ZSWIM6: variants seen among roughly 807,000 people sequenced by gnomAD.
The protein encoded by ZSWIM6 is zinc finger SWIM domain-containing protein 6.
A neutral mutation model predicts 113.2 loss-of-function variants in ZSWIM6; 9 were observed. The observed-to-expected ratio is 0.08, with a 90% CI of 0.05 to 0.14. The LOEUF (loss-of-function observed/expected upper bound fraction) is 0.14, where lower values mean the gene tolerates loss of function less well. Ranked by LOEUF, ZSWIM6 falls within the 10% of genes least tolerant of loss-of-function variation. The pLI, the probability that ZSWIM6 is intolerant of heterozygous loss-of-function variation, is 1.00. For synonymous variants in ZSWIM6, 611 were observed against 606.5 expected (o/e 1.01, Z -0.11); for missense variants, 1,162 against 1,552.2 (o/e 0.75, Z 4.22).
intron 1 of ZSWIM6, among the ~76,000 whole-genome samples, chr5:61,419,530 C>G (rs1746315190): frequency 6.6e-6 from 1 of 152,172 alleles, no homozygotes; most frequent in Non-Finnish European, 1.5e-5. Flanking sequence ...CCACATGTGG[C>G]TATTTAGATT....
chr5:61,490,224 C>T (rs1748142351), intron 2 of ZSWIM6, among the ~76,000 whole-genome samples: 2 of 151,996 alleles, frequency 1.3e-5, no homozygotes, highest in African/African-American at 4.8e-5. Context: ...CAAGGTGATA[C>T]TACAACCTGG....
intron 1 of ZSWIM6, among the ~76,000 whole-genome samples, chr5:61,429,205 AG>A (rs1561233724): frequency 1.3e-5 from 2 of 152,196 alleles, no homozygotes; most frequent in Non-Finnish European, 2.9e-5. Context: ...TCTCCCCTAC[AG>A]GGGGTAGGGT....
intron 2 of ZSWIM6, among the ~76,000 whole-genome samples, chr5:61,484,218 A>G (rs906323291): frequency 6.6e-6 from 1 of 152,230 alleles, no homozygotes; most frequent in Non-Finnish European, 1.5e-5. Context: ...GCCTTCAGTC[A>G]TGCCACAGCA....
chr5:61,468,871 C>T (rs1006188897), intron 1 of ZSWIM6, among the ~76,000 whole-genome samples: 1 of 152,156 alleles, frequency 6.6e-6, no homozygotes, highest in Non-Finnish European at 1.5e-5. Flanking sequence ...TGCATATTGA[C>T]TGAGTCAATG....
At chr5:61,421,683 A>G (rs368768340) in intron 1 of ZSWIM6, among the ~76,000 whole-genome samples, 23 of 152,140 alleles carry the variant, frequency 1.5e-4, no homozygotes, top group South Asian at 4.1e-4. Flanking sequence ...CTTTGTGTCC[A>G]TGAGTTCTCA....
intron 1 of ZSWIM6, among the ~76,000 whole-genome samples, chr5:61,361,969 GTT>G (rs1014656916): frequency 2.6e-5 from 4 of 152,240 alleles, no homozygotes; most frequent in African/African-American, 9.6e-5. Context: ...TCTCCCACAT[GTT>G]TTCACATATG....
At position 61,365,929 on chromosome 5, in the gene ZSWIM6, T is replaced by A. The variant is rs144519776; in HGVS notation, c.676+32981T>A. Among the ~76,000 whole-genome samples the A allele has an allele frequency of 5.5e-3, 831 of 152,326 alleles. 7 individuals are homozygous for A. Among genetic ancestry groups the A allele is most frequent in the Non-Finnish European group, 9.2e-3 (629 of 68,032 alleles). On this transcript the variant is annotated intron_variant, in intron 1 of 13. Transcript: ENST00000252744. The stretch of plus-strand genomic sequence containing the variant: ...AATGTATCGTCTATCAGGTGTCTTT[T>A]TTTTTAAGATGGTCTCATTCTGTCA...
intron 1 of ZSWIM6, among the ~76,000 whole-genome samples, chr5:61,458,307 A>G (rs1747252430): frequency 6.6e-6 from 1 of 152,220 alleles, no homozygotes; most frequent in Admixed American, 6.5e-5. Flanking sequence ...GACTATGAGT[A>G]TATATATTTT....
At chr5:61,443,081 A>G (rs754923527) in intron 1 of ZSWIM6, among the ~76,000 whole-genome samples, 1 of 152,170 alleles carries the variant, frequency 6.6e-6, no homozygotes, top group Non-Finnish European at 1.5e-5. Flanking sequence ...CTCTAGTCCA[A>G]TGGCACACTC....
At chr5:61,416,479 G>C (rs1392854648) in intron 1 of ZSWIM6, among the ~76,000 whole-genome samples, 1 of 152,194 alleles carries the variant, frequency 6.6e-6, no homozygotes, top group Non-Finnish European at 1.5e-5. Context: ...ATACACCTCT[G>C]ATCTCCTCCT....
rs1747514580 is a variant in ZSWIM6, at chr5:61,469,438, T to C, written c.677-3243T>C. On this transcript the variant is annotated intron_variant, in intron 1 of 13. Transcript: ENST00000252744. ...TTATGCTGTAAGACATGTATATGTTTATTTGTGCCTTCACATTTCTCTTGG... is the reference window on the plus strand; with the variant it reads ...TTATGCTGTAAGACATGTATATGTTCATTTGTGCCTTCACATTTCTCTTGG... Among the ~76,000 whole-genome samples the C allele has an allele frequency of 2.0e-5, 3 of 152,236 alleles. No individual in the cohort carries two copies. The East Asian group carries it at 5.8e-4, about 29-fold the overall frequency.
chr5:61,374,041 T>C (rs1745319559), intron 1 of ZSWIM6, among the ~76,000 whole-genome samples: 1 of 152,232 alleles, frequency 6.6e-6, no homozygotes, highest in African/African-American at 2.4e-5. Flanking sequence ...GCCTTTTGCT[T>C]TCATCTACTT....
chr5:61,340,426 T>C (rs1192792722), intron 1 of ZSWIM6, among the ~76,000 whole-genome samples: 2 of 152,230 alleles, frequency 1.3e-5, no homozygotes, highest in Non-Finnish European at 2.9e-5. Flanking sequence ...TTGAATGTTG[T>C]AACCACATGC....
At chr5:61,502,262 C>T (rs1285094359) in intron 4 of ZSWIM6, among the ~76,000 whole-genome samples, 1 of 152,164 alleles carries the variant, frequency 6.6e-6, no homozygotes, top group Middle Eastern at 3.2e-3. Context: ...GCTCCTTAGG[C>T]AGCTCTGTGT....
chr5:61,464,855 G>A (rs758809673), intron 1 of ZSWIM6, among the ~76,000 whole-genome samples: 9 of 152,222 alleles, frequency 5.9e-5, no homozygotes, highest in Middle Eastern at 3.2e-3. Context: ...GTTTACACCC[G>A]GTCCTTGGGA....
chr5:61,534,660 G>A (rs968272383), intron 9 of ZSWIM6, among the ~76,000 whole-genome samples: 1 of 151,580 alleles, frequency 6.6e-6, no homozygotes, highest in African/African-American at 2.4e-5. Context: ...TAACCACTGT[G>A]GTTTCCTTTC....
chr5:61,478,705 T>TG (rs1747772789), intron 2 of ZSWIM6, among the ~76,000 whole-genome samples: 2 of 147,566 alleles, frequency 1.4e-5, no homozygotes, highest in Non-Finnish European at 3.0e-5. Context: ...GTGTGTGTGT[T>TG]TGTGTGTGTG....
chr5:61,360,078 A>C (rs1745001542), intron 1 of ZSWIM6, among the ~76,000 whole-genome samples: 1 of 152,176 alleles, frequency 6.6e-6, no homozygotes. Flanking sequence ...AGAGGATGTT[A>C]TCAAGTGTCA....
chr5:61,374,505 C>T (rs1403106837), intron 1 of ZSWIM6, among the ~76,000 whole-genome samples: 1 of 152,162 alleles, frequency 6.6e-6, no homozygotes, highest in Non-Finnish European at 1.5e-5. Flanking sequence ...AGCCATGAAT[C>T]ACATCATTTG....
Sources: gnomAD v4.1 joint callset for allele counts (sites outside exome capture counted in the v4.1 genomes callset) on GRCh38, gnomAD v4.1.1 for gene constraint, MANE v1.5 for transcripts, NCBI Gene and HGNC (gene_info 2026-07-23, HGNC 2026-07-21) for gene names.